The following PUDP variants were observed in gnomAD, a reference collection of about 807,000 sequenced individuals.
PUDP encodes pseudouridine-5'-phosphatase.
In PUDP, 8 loss-of-function variants were observed where a neutral mutation model predicts 9.4. The observed-to-expected ratio is 0.85, with a 90% CI of 0.50 to 1.53. PUDP has a LOEUF of 1.53. Among genes scored for constraint, PUDP ranks in the 40% most tolerant of loss-of-function variants. The pLI, the probability that PUDP is intolerant of heterozygous loss-of-function variation, is 0.00. For missense variants in PUDP, 188 were observed against 189.7 expected, an observed-to-expected ratio of 0.99 and a Z score of 0.05; for synonymous variants, 99 against 80.7, an observed-to-expected ratio of 1.23 and a Z score of -1.22.
chrX:6,919,455 A>C (rs1602673005), intron 3 of PUDP, among the ~76,000 whole-genome samples: 2 of 111,747 alleles, frequency 1.8e-5, no homozygotes, highest in East Asian at 5.7e-4. Context: ...CAAGTGGAGC[A>C]CTGAAGGGAA....
intron 3 of PUDP, among the ~76,000 whole-genome samples, chrX:6,879,445 C>A (rs1602656899): frequency 9.0e-6 from 1 of 111,037 alleles, no homozygotes; most frequent in Admixed American, 9.6e-5. Flanking sequence ...TACACACACA[C>A]ACACACACAC....
At chrX:6,939,242 T>A (rs1025497054) in intron 3 of PUDP, among the ~76,000 whole-genome samples, 1 of 109,323 alleles carries the variant, frequency 9.1e-6, no homozygotes, top group African/African-American at 3.3e-5. Flanking sequence ...AGAAAAACCA[T>A]AAAACCATAG....
At chrX:6,929,931 T>C (rs1386532194) in intron 3 of PUDP, among the ~76,000 whole-genome samples, 1 of 111,319 alleles carries the variant, frequency 9.0e-6, no homozygotes, top group East Asian at 2.8e-4. Flanking sequence ...TTTCATATGA[T>C]AGGGCTGTGT....
At chrX:6,835,774 G>A (rs895884162) in intron 3 of PUDP, among the ~76,000 whole-genome samples, 1 of 111,251 alleles carries the variant, frequency 9.0e-6, no homozygotes. Context: ...GTACAGTGGT[G>A]CGATCTCAGC....
intron 1 of PUDP, among the ~76,000 whole-genome samples, chrX:6,993,522 T>C (rs922108424): frequency 5.4e-5 from 6 of 111,302 alleles, no homozygotes; most frequent in Non-Finnish European, 1.1e-4. Context: ...ACAGAGGAAG[T>C]CCAGAGTCCT....
At chrX:7,033,948 G>A (rs1929822668) in intron 1 of PUDP, among the ~76,000 whole-genome samples, 1 of 112,180 alleles carries the variant, frequency 8.9e-6, no homozygotes, top group Non-Finnish European at 1.9e-5. Context: ...ACTTTTCAAG[G>A]TGAAAGGAAG....
intron 3 of PUDP, among the ~76,000 whole-genome samples, chrX:6,748,818 G>A (rs764754044): frequency 3.6e-5 from 4 of 112,215 alleles, no homozygotes; most frequent in South Asian, 7.4e-4. Flanking sequence ...GGACAAATTT[G>A]TGAATGTTTG....
intron 3 of PUDP, among the ~76,000 whole-genome samples, chrX:7,051,941 C>T (rs780220541): frequency 8.4e-4 from 94 of 112,422 alleles, no homozygotes; most frequent in African/African-American, 2.9e-3. Flanking sequence ...CTGCTCTTCT[C>T]CACATGTGGC....
chrX:6,815,633 G>A (rs987840401), intron 3 of PUDP, among the ~76,000 whole-genome samples: 5 of 110,969 alleles, frequency 4.5e-5, no homozygotes, highest in East Asian at 5.6e-4. Flanking sequence ...ACTCTGATGC[G>A]TGTCCAGGCG....
intron 3 of PUDP, among the ~76,000 whole-genome samples, chrX:6,936,885 C>T (rs1928311370): frequency 1.1e-5 from 1 of 93,156 alleles, no homozygotes; most frequent in African/African-American, 3.9e-5. Context: ...TTCACAATTG[C>T]TTCAAAGAGA....
chrX:6,725,123 C>G (rs909897098), upstream of PUDP, among the ~76,000 whole-genome samples: 5 of 111,535 alleles, frequency 4.5e-5, no homozygotes, highest in African/African-American at 1.6e-4. Context: ...AGGTGTGTTT[C>G]CTCCCCAAGG....
intron 3 of PUDP, among the ~76,000 whole-genome samples, chrX:6,892,968 A>AT (rs1335551614): frequency 9.0e-6 from 1 of 111,630 alleles, no homozygotes; most frequent in Non-Finnish European, 1.9e-5. Flanking sequence ...AGTCTGTGGT[A>AT]TTTTTTTATG....
chrX:6,831,474 G>A (rs1377429784), intron 3 of PUDP, among the ~76,000 whole-genome samples: 1 of 111,995 alleles, frequency 8.9e-6, no homozygotes, highest in East Asian at 2.8e-4. Flanking sequence ...AATGAACGAG[G>A]ACAGCTTGGA....
rs753620500 is a variant in PUDP, at chrX:7,132,770, A to G, written c.61+15283T>C. On this transcript the variant is annotated intron_variant, in intron 1 of 3. Coordinates refer to ENST00000381077, the MANE Select transcript of PUDP (RefSeq NM_012080.5). ...TACACTAGGAGAAAAACCTCCAAAA[A>G]CATCCTGGTGAAGGCTATGCTCTCA... 1.1e-4 allele frequency among the ~76,000 whole-genome samples: 12 copies of G among 111,169 alleles called. No homozygotes were observed. In the South Asian group the frequency reaches 4.6e-3, roughly 42 times the overall value.
intron 3 of PUDP, among the ~76,000 whole-genome samples, chrX:6,874,731 C>T (rs748115102): frequency 3.6e-5 from 4 of 112,509 alleles, no homozygotes; most frequent in South Asian, 7.3e-4. Context: ...AAGTTTCCCA[C>T]GGTGTTCTCT....
At chrX:6,965,007 C>T (rs1325595084) in intron 3 of PUDP, among the ~76,000 whole-genome samples, 1 of 111,844 alleles carries the variant, frequency 8.9e-6, no homozygotes, top group Non-Finnish European at 1.9e-5. Flanking sequence ...GTGATATTTG[C>T]TTGATTATTT....
In PUDP at chrX:6,905,267, T is replaced by C. The variant is rs141057407; in HGVS notation, c.*247+71866A>G. ...ACTCTGAGGCTCATATGTGTCCCAGTTGAGTAATCACAGGTTCCTTAACCC... is the reference window on the plus strand; with the variant it reads ...ACTCTGAGGCTCATATGTGTCCCAGCTGAGTAATCACAGGTTCCTTAACCC... On this transcript the variant is annotated intron_variant and NMD_transcript_variant, in intron 3 of 3. Transcript: ENST00000655425. Among the ~76,000 whole-genome samples the C allele has an allele frequency of 2.8e-3, 315 of 111,404 alleles. 4 individuals carry two copies. Among genetic ancestry groups the C allele is most frequent in the Admixed American group, 0.024 (250 of 10,412 alleles).
intron 1 of PUDP, among the ~76,000 whole-genome samples, chrX:7,130,415 A>T (rs1407626674): frequency 1.8e-5 from 2 of 110,749 alleles, no homozygotes; most frequent in Admixed American, 9.6e-5. Flanking sequence ...AGGACAAAAC[A>T]TGGTGGGCAT....
intron 1 of PUDP, among the ~76,000 whole-genome samples, chrX:7,009,185 G>A (rs970069995): frequency 5.3e-5 from 6 of 112,177 alleles, no homozygotes; most frequent in Non-Finnish European, 9.4e-5. Context: ...TAAATGTTGG[G>A]CATCAAATTG....
Sources: allele counts gnomAD v4.1 joint callset (sites outside exome capture counted in the v4.1 genomes callset), GRCh38; gene constraint gnomAD v4.1.1; transcripts MANE v1.5; gene names NCBI Gene and HGNC (gene_info 2026-07-23, HGNC 2026-07-21).